The following TAF1 variants were observed in gnomAD, a reference collection of about 807,000 sequenced individuals.
TAF1 encodes TATA-box binding protein associated factor 1.
Under a neutral mutation model 138.5 loss-of-function variants are expected in TAF1, and 2 were observed. The ratio of observed to expected loss-of-function variants is 0.01; its 90% CI spans 0.01 to 0.05. The LOEUF (loss-of-function observed/expected upper bound fraction) is 0.05. Ranked by LOEUF, TAF1 falls within the 10% of genes least tolerant of loss-of-function variation. The pLI, the probability that TAF1 is intolerant of heterozygous loss-of-function variation, is 1.00. For synonymous variants in TAF1, 437 were observed against 503.2 expected, an observed-to-expected ratio of 0.87 and a Z score of 1.76; for missense variants, 709 against 1,478.0, an observed-to-expected ratio of 0.48 and a Z score of 8.53.
intron 13 of TAF1, among the ~76,000 whole-genome samples, chrX:71,506,209 T>C (rs903097889): frequency 1.3e-4 from 14 of 105,824 alleles, no homozygotes; most frequent in Non-Finnish European, 2.3e-4. Context: ...TCAAAATAAA[T>C]AAATAAATAA....
rs2033382160 is a variant in TAF1 at position 71,375,185 on chromosome X, A to G, written c.371A>G (p.Tyr124Cys). Residue 124 changes from tyrosine (Y) to cysteine (C), a missense_variant, in exon 4 of 38, where the codon TAT becomes TGT. Tyr to Cys is a radical substitution (Grantham distance 194, BLOSUM62 -2). Around this residue, in one of 14 missense-constraint regions of TAF1, gnomAD observed 123 missense variants for 161.6 expected, o/e 0.76. Transcript: ENST00000423759. ...LCHSDYDEDD[Y>C]DADCEDIDCK... ...TTATTAGATTATGATGAAGATGACT[A>G]TGATGCTGATTGTGAAGACATTGAT... 1 of 1,210,658 alleles carries G rather than the reference A, an allele frequency of 8.3e-7. No individual in the cohort carries two copies.
intron 32 of TAF1, among the ~76,000 whole-genome samples, chrX:71,442,747 C>T (rs941748036): frequency 5.4e-5 from 6 of 111,582 alleles, no homozygotes; most frequent in African/African-American, 2.0e-4. Context: ...ATGCCTATGT[C>T]CTGAATGGTA....
Position 71,492,294 on chromosome X carries a change from G to A in TAF1, c.1366+31491G>A, listed in dbSNP as rs183964542. 1.0e-4 allele frequency: 13 copies of A among 124,990 alleles called. No homozygotes were observed. The Middle Eastern group carries it at 2.9e-3, about 28-fold the overall frequency. The allele number at this position is 124,990 out of a possible 1,213,427, so 10.3% of individuals were successfully genotyped here. A position where few individuals can be genotyped will look rare whatever the true frequency, so the allele number is the denominator to read the frequency against. On this transcript the variant is annotated intron_variant and NMD_transcript_variant, in intron 13 of 14. Coordinates refer to the TAF1 transcript ENST00000373775. ...GGGGTCGATGGGGAGGTCTGCGGGG[G>A]ACGCCTGCCGCTACGCCTTGGCCAT... is the stretch of plus-strand genomic sequence containing the variant.
chrX:71,495,687 G>A (rs1162093272), intron 13 of TAF1, among the ~76,000 whole-genome samples: 1 of 111,607 alleles, frequency 9.0e-6, no homozygotes, highest in Non-Finnish European at 1.9e-5. Flanking sequence ...TAAGCTGTCT[G>A]AGAAATCCTT....
chrX:71,516,666 C>T (rs1009126724), intron 13 of TAF1, among the ~76,000 whole-genome samples: 7 of 103,547 alleles, frequency 6.8e-5, no homozygotes, highest in South Asian at 4.4e-4. Flanking sequence ...AAAAAAGTTA[C>T]GGTGGTAAAT....
chrX:71,497,671 T>C (rs1285904341), intron 13 of TAF1, among the ~76,000 whole-genome samples: 3 of 111,622 alleles, frequency 2.7e-5, no homozygotes, highest in Non-Finnish European at 5.6e-5. Flanking sequence ...AGTTTTGTCC[T>C]GTGGGAAGGC....
At chrX:71,434,475 C>CTTA (rs1569343480) in intron 32 of TAF1, among the ~76,000 whole-genome samples, 1 of 111,955 alleles carries the variant, frequency 8.9e-6, no homozygotes, top group Non-Finnish European at 1.9e-5. Context: ...ACTTCTTTGA[C>CTTA]TTACCCTTTA....
At chrX:71,504,741 CAAAAAAAAAAAAAAAAAA>C (rs41370846) in intron 13 of TAF1, among the ~76,000 whole-genome samples, 47 of 5,709 alleles carry the variant, frequency 8.2e-3, no homozygotes, top group South Asian at 0.023. Flanking sequence ...GACCCTGTCT[CAAAAAAAAAAAAAAAAAA>C]AAAAAAAAAA....
At chrX:71,503,580 A>C (rs2039563835) in intron 13 of TAF1, among the ~76,000 whole-genome samples, 1 of 109,654 alleles carries the variant, frequency 9.1e-6, no homozygotes, top group Non-Finnish European at 1.9e-5. Flanking sequence ...TATCAAGGGC[A>C]ACTGTTTCAC....
At chrX:71,446,347 T>G (rs771233023) in intron 32 of TAF1, among the ~76,000 whole-genome samples, 2 of 112,477 alleles carry the variant, frequency 1.8e-5, no homozygotes, top group Non-Finnish European at 3.7e-5. Context: ...AATATCTGTT[T>G]CCCTACAACC....
intron 13 of TAF1, chrX:71,528,355 C>T (rs965244450): frequency 7.7e-6 from 2 of 259,874 alleles, no homozygotes; most frequent in Non-Finnish European, 1.4e-5. Flanking sequence ...ACTCTTGCAA[C>T]CCCAGGAGGA....
chrX:71,507,737 G>A (rs2039654982), intron 13 of TAF1, among the ~76,000 whole-genome samples: 1 of 111,550 alleles, frequency 9.0e-6, no homozygotes, highest in Non-Finnish European at 1.9e-5. Context: ...TTACAGGTGT[G>A]AGCCACTGTA....
downstream of TAF1, among the ~76,000 whole-genome samples, chrX:71,466,667 C>T (rs1175649648): frequency 9.0e-6 from 1 of 111,369 alleles, no homozygotes; most frequent in African/African-American, 3.3e-5. Flanking sequence ...CGTGAGCCAC[C>T]GCGCCCAGCC....
intron 13 of TAF1, among the ~76,000 whole-genome samples, chrX:71,498,779 A>C (rs1196269359): frequency 9.0e-6 from 1 of 111,649 alleles, no homozygotes; most frequent in Non-Finnish European, 1.9e-5. Context: ...TGGGACTTTC[A>C]GGCATAATGA....
Position 71,426,095 on chromosome X carries a change from GA to G in TAF1, c.4753+1870del, listed in dbSNP as rs966559126. On this transcript the variant is annotated intron_variant, in intron 32 of 37. Coordinates refer to ENST00000423759, the MANE Select transcript of TAF1 (RefSeq NM_004606.5). ...GGCAACATAGTGAGACCCCATCTCA[GA>G]AAAAAAAAAAAAGTGGGGTTAGAGG... Among the ~76,000 whole-genome samples, 491 of 96,197 alleles carry G rather than the reference GA, an allele frequency of 5.1e-3. 4 individuals carry two copies. Among genetic ancestry groups the G allele is most frequent in the African/African-American group, 0.016 (437 of 26,673 alleles). The allele number at this position is 96,197 out of a possible 115,157, so 83.5% of individuals were successfully genotyped here. A position where few individuals can be genotyped will look rare whatever the true frequency, so the allele number is the denominator to read the frequency against.
intron 28 of TAF1, among the ~76,000 whole-genome samples, chrX:71,410,303 A>T (rs1569316621): frequency 9.2e-6 from 1 of 109,172 alleles, no homozygotes; most frequent in Non-Finnish European, 1.9e-5. Flanking sequence ...AAAAAAATTT[A>T]TTTTTTTTAT....
chrX:71,477,923 G>A (rs959783362), intron 13 of TAF1, among the ~76,000 whole-genome samples: 5 of 109,495 alleles, frequency 4.6e-5, no homozygotes, highest in African/African-American at 1.7e-4. Context: ...GAGCGCAGGA[G>A]GCAAAGGCTG....
chrX:71,398,273 G>A lies in TAF1; in HGVS notation c.3621-299G>A, dbSNP rs1026725615. Reference sequence around the variant, plus strand: ...GAATCGCTTGAACCTGGGAGGCAGAGGCTGCAGTGAGCCAAGATCTCGCCA... The same window carrying A: ...GAATCGCTTGAACCTGGGAGGCAGAAGCTGCAGTGAGCCAAGATCTCGCCA... On this transcript the variant is annotated intron_variant, in intron 23 of 37. Transcript: ENST00000423759. Among the ~76,000 whole-genome samples, 5 of 110,179 alleles carry A rather than the reference G, an allele frequency of 4.5e-5. No individual in the cohort carries two copies. The East Asian group carries it at 1.4e-3, about 32-fold the overall frequency.
chrX:71,459,485 G>C, intron 35 of TAF1, 67 bp from the exon 36 acceptor site: 2 of 1,173,342 alleles, frequency 1.7e-6, no homozygotes, highest in Non-Finnish European at 1.1e-6. Flanking sequence ...GGGTGTGCCT[G>C]GTGGTGGCTT....
Sources: gnomAD v4.1 joint callset for allele counts (sites outside exome capture counted in the v4.1 genomes callset) on GRCh38, gnomAD v4.1.1 for gene constraint, gnomAD v4.1.1 regional missense constraint, MANE v1.5 for transcripts, NCBI Gene and HGNC (gene_info 2026-07-23, HGNC 2026-07-21) for gene names.